ARHGAP39: variants seen among roughly 807,000 people sequenced by gnomAD.
ARHGAP39 encodes rho GTPase-activating protein 39.
In ARHGAP39, 44 loss-of-function variants were observed where a neutral mutation model predicts 106.9. The observed-to-expected ratio is 0.41, with a 90% CI of 0.32 to 0.53. The LOEUF (loss-of-function observed/expected upper bound fraction) is 0.53, where lower values mean the gene tolerates loss of function less well. Among genes scored for constraint, ARHGAP39 ranks in the 20% least tolerant of loss-of-function variants. The pLI is 0.21. For synonymous variants in ARHGAP39, 768 were observed against 693.2 expected, an observed-to-expected ratio of 1.11 and a Z score of -1.69; for missense variants, 1,496 against 1,577.3, an observed-to-expected ratio of 0.95 and a Z score of 0.87.
chr8:144,538,657 C>T (rs867769049), intron 6 of ARHGAP39, among the ~76,000 whole-genome samples: 1 of 152,116 alleles, frequency 6.6e-6, no homozygotes, highest in Non-Finnish European at 1.5e-5. Flanking sequence ...ACCGCAGCCT[C>T]CACCTCCCGG....
chr8:144,553,938 C>T (rs767387139), intron 4 of ARHGAP39, among the ~76,000 whole-genome samples: 7 of 152,258 alleles, frequency 4.6e-5, no homozygotes, highest in Non-Finnish European at 1.0e-4. Flanking sequence ...TGTGGGCTGT[C>T]GCCTCCCAGC....
intron 3 of ARHGAP39, among the ~76,000 whole-genome samples, chr8:144,557,097 T>A (rs1015455132): frequency 6.8e-6 from 1 of 146,418 alleles, no homozygotes; most frequent in Admixed American, 6.7e-5. Flanking sequence ...AGGCAAAGGC[T>A]GAACCTTCAT....
At chr8:144,637,864 CTT>C (rs79827287) in intron 1 of ARHGAP39, among the ~76,000 whole-genome samples, 37 of 140,738 alleles carry the variant, frequency 2.6e-4, no homozygotes, top group South Asian at 4.6e-4. Flanking sequence ...ATTTTTCTTT[CTT>C]TTTTTTTTTT....
intron 1 of ARHGAP39, among the ~76,000 whole-genome samples, chr8:144,662,301 A>C: frequency 8.8e-6 from 1 of 113,596 alleles, no homozygotes. Context: ...CCGTTTATCC[A>C]CCTTGGACCA....
rs750393142 is a variant in ARHGAP39 at position 144,547,808 on chromosome 8, C to A, written c.1278G>T (p.Ser426=). ...HKYAPNPGGG[S]YSLQPSPCLL... is the part of the protein sequence containing the mutation. ...GGCAGGGGCTGGGCTGCAAGGAGTA[C>A]GAACCACCGCCGGGGTTGGGCGCGT... The change falls in exon 5 of 12, where the codon TCG becomes TCT. Residue 426 remains serine (S), a synonymous_variant. Coordinates refer to ENST00000377307, the MANE Select transcript of ARHGAP39 (RefSeq NM_025251.3). The surrounding 1 kb of genome is among the most constrained non-coding windows in gnomAD (Gnocchi z 5.2). 4 of 1,591,670 alleles carry A rather than the reference C, an allele frequency of 2.5e-6. No homozygotes were observed. In the Admixed American group the frequency reaches 5.2e-5, roughly 21 times the overall value.
chr8:144,675,503 A>T (rs1057046923), intron 1 of ARHGAP39, among the ~76,000 whole-genome samples: 1 of 152,100 alleles, frequency 6.6e-6, no homozygotes, highest in African/African-American at 2.4e-5. Flanking sequence ...CTTCGTGGTT[A>T]GTGTTACAGC....
chr8:144,565,932 A>C (rs1437482067), intron 3 of ARHGAP39, among the ~76,000 whole-genome samples: 1 of 150,904 alleles, frequency 6.6e-6, no homozygotes, highest in African/African-American at 2.4e-5. Flanking sequence ...ACTCTACAAA[A>C]AAAAAAAAAA....
chr8:144,699,848 C>G, the ARHGAP39 span, among the ~76,000 whole-genome samples: 1 of 152,142 alleles, frequency 6.6e-6, no homozygotes, highest in East Asian at 1.9e-4. Context: ...TAGAACCTGT[C>G]GGGGGCCCCC....
chr8:144,627,715 G>A (rs919162208), intron 1 of ARHGAP39, among the ~76,000 whole-genome samples: 1 of 152,098 alleles, frequency 6.6e-6, no homozygotes, highest in Non-Finnish European at 1.5e-5. Context: ...CCGAAATGGT[G>A]CCACTGCACT....
chr8:144,644,179 G>A lies in ARHGAP39; in HGVS notation c.-81-38484C>T, dbSNP rs561359683. 2.5e-4 allele frequency among the ~76,000 whole-genome samples: 38 copies of A among 152,270 alleles called. 1 individual carries two copies. The highest frequency in any genetic ancestry group is 3.4e-3 in the Middle Eastern group (1 of 294). On this transcript the variant is annotated intron_variant, in intron 1 of 11. Transcript: ENST00000377307. This position sits in a 1 kb window ranked among gnomAD's most constrained non-coding sequence, Gnocchi z 4.8. ...CACAGCCCCACGTTCACCACCAGAC[G>A]ATGGGGGAGAAAAGACGGTGGACCC...
intron 3 of ARHGAP39, 88 bp downstream of exon 3, chr8:144,580,758 G>GGCCC: frequency 5.4e-6 from 1 of 185,576 alleles, no homozygotes; most frequent in Non-Finnish European, 1.1e-5. Flanking sequence ...CTCTCACCTG[G>GGCCC]CCCCGCCCAC....
At chr8:144,654,310 G>T (rs1400133291) in intron 1 of ARHGAP39, among the ~76,000 whole-genome samples, 1 of 151,774 alleles carries the variant, frequency 6.6e-6, no homozygotes, top group Non-Finnish European at 1.5e-5. Flanking sequence ...TGTGGGACCA[G>T]CCTGGGCAAC....
intron 2 of ARHGAP39, among the ~76,000 whole-genome samples, chr8:144,601,310 G>A (rs1026593081): frequency 2.2e-5 from 3 of 137,958 alleles, no homozygotes; most frequent in African/African-American, 9.4e-5. Flanking sequence ...TCATGTACCT[G>A]TGTGTGTGTG....
rs931906653 is a variant in ARHGAP39 at position 144,684,965 on chromosome 8, G to A, written c.-82+721C>T. ...AGCCCTGCACCCGGGCCGCCCTTCAGGACGCGGGCACCAGACCCGACCGGC... is the reference window on the plus strand; with the variant it reads ...AGCCCTGCACCCGGGCCGCCCTTCAAGACGCGGGCACCAGACCCGACCGGC... On this transcript the variant is annotated intron_variant, in intron 1 of 11. Coordinates refer to ENST00000377307, the MANE Select transcript of ARHGAP39 (RefSeq NM_025251.3). This position sits in a 1 kb window ranked among gnomAD's most constrained non-coding sequence, Gnocchi z 4.4. Among the ~76,000 whole-genome samples, 6 of 152,130 alleles carry A rather than the reference G, an allele frequency of 3.9e-5. No individual in the cohort carries two copies. Among genetic ancestry groups the A allele is most frequent in the African/African-American group, 1.2e-4 (5 of 41,446 alleles).
chr8:144,684,677 C>T lies in ARHGAP39; in HGVS notation c.-82+1009G>A, dbSNP rs1328821551. Among the ~76,000 whole-genome samples the T allele has an allele frequency of 6.6e-6, 1 of 152,248 alleles. No individual in the cohort carries two copies. Among genetic ancestry groups the T allele is most frequent in the Non-Finnish European group, 1.5e-5 (1 of 68,046 alleles). On this transcript the variant is annotated intron_variant, in intron 1 of 11. Transcript: ENST00000377307. The surrounding 1 kb of genome is among the most constrained non-coding windows in gnomAD (Gnocchi z 4.4). ...GGGCCCCAAAATGCACAGCCCGCCT[C>T]TCTCGCCGCCCTGGGCACGGAACGC...
At chr8:144,544,936 C>A (rs1271131842) in intron 6 of ARHGAP39, among the ~76,000 whole-genome samples, 1 of 152,262 alleles carries the variant, frequency 6.6e-6, no homozygotes, top group Admixed American at 6.5e-5. Context: ...CCCTCGGCGT[C>A]TTCGTGCCTG....
At chr8:144,575,935 T>C (rs1818756412) in intron 3 of ARHGAP39, among the ~76,000 whole-genome samples, 1 of 152,206 alleles carries the variant, frequency 6.6e-6, no homozygotes, top group Non-Finnish European at 1.5e-5. Flanking sequence ...CACTCTCATA[T>C]ATGCAGTGTG....
At chr8:144,636,358 C>G (rs1821172842) in intron 1 of ARHGAP39, among the ~76,000 whole-genome samples, 1 of 152,168 alleles carries the variant, frequency 6.6e-6, no homozygotes, top group Non-Finnish European at 1.5e-5. Context: ...AAAATGTAAA[C>G]TCACAATTGA....
rs142725872 is a variant in ARHGAP39 at position 144,635,864 on chromosome 8, C to T, written c.-81-30169G>A. Among the ~76,000 whole-genome samples, 1,820 of 92,552 alleles carry T rather than the reference C, an allele frequency of 0.02. 93 individuals are homozygous for T. In the East Asian group the frequency reaches 0.2, roughly 10 times the overall value. The allele number at this position is 92,552 out of a possible 152,430, so 60.7% of individuals were successfully genotyped here. A position where few individuals can be genotyped will look rare whatever the true frequency, so the allele number is the denominator to read the frequency against. On this transcript the variant is annotated intron_variant, in intron 1 of 11. Coordinates refer to ENST00000377307, the MANE Select transcript of ARHGAP39 (RefSeq NM_025251.3). ...TGAATTAGAGGGGGGCTGAGGCTAC[C>T]GCCAGGTAGACAGTGTGGGGACTGA...
Sources: allele counts gnomAD v4.1 joint callset (sites outside exome capture counted in the v4.1 genomes callset), GRCh38; gene constraint gnomAD v4.1.1; non-coding constraint Gnocchi (gnomAD v3.1); transcripts MANE v1.5; gene names NCBI Gene and HGNC (gene_info 2026-07-23, HGNC 2026-07-21).